Variants in CIT observed in about 807,000 individuals in gnomAD.
The protein encoded by CIT is citron Rho-interacting kinase.
In CIT, 79 loss-of-function variants were observed where a neutral mutation model predicts 272.7. The observed-to-expected ratio is 0.29, with a 90% CI of 0.24 to 0.35. The LOEUF is 0.35. Ranked by LOEUF, CIT falls within the 10% of genes least tolerant of loss-of-function variation. The pLI is 1.00. For missense variants in CIT, 1,909 were observed against 2,618.3 expected (o/e 0.73, Z 5.91); for synonymous variants, 948 against 995.6 (o/e 0.95, Z 0.90).
chr12:119,773,549 T>A (rs1210815781), intron 16 of CIT, among the ~76,000 whole-genome samples: 2 of 152,168 alleles, frequency 1.3e-5, no homozygotes, highest in Non-Finnish European at 2.9e-5. Flanking sequence ...TTCTCCTGCC[T>A]CAGCCTCCCG....
intron 5 of CIT, among the ~76,000 whole-genome samples, chr12:119,845,682 T>C (rs901028991): frequency 7.5e-6 from 1 of 134,160 alleles, no homozygotes; most frequent in Non-Finnish European, 1.6e-5. Flanking sequence ...CCAGGCGTGG[T>C]GGCTCACACC....
At chr12:119,791,795 T>C (rs758868142) in intron 10 of CIT, among the ~76,000 whole-genome samples, 4 of 152,210 alleles carry the variant, frequency 2.6e-5, no homozygotes, top group Non-Finnish European at 4.4e-5. Flanking sequence ...GATATACACA[T>C]CTGCTTTATA....
chr12:119,732,088 G>A (rs1958491063), intron 26 of CIT, among the ~76,000 whole-genome samples: 3 of 151,774 alleles, frequency 2.0e-5, no homozygotes, highest in Admixed American at 1.3e-4. Context: ...CACCCACTTC[G>A]GCCTCCCCAT....
chr12:119,688,110 G>T lies in CIT; in HGVS notation c.*122C>A. 9.2e-7 allele frequency: 1 copy of T among 1,081,514 alleles called. No individual in the cohort carries two copies. Among genetic ancestry groups the T allele is most frequent in the Non-Finnish European group, 1.4e-6 (1 of 702,686 alleles). 67.0% of individuals were successfully genotyped at this position (1,081,514 alleles called of 1,614,324 possible). On this transcript the variant is annotated 3_prime_UTR_variant, in exon 48 of 48. Coordinates refer to ENST00000392521, the MANE Select transcript of CIT (RefSeq NM_001206999.2). ...GGTGTCCGTGCCGAGGTGGGTCTGG[G>T]CCCCGCTGAGCCAGAGGGTGGCTGA... is the stretch of plus-strand genomic sequence containing the variant.
In CIT at chr12:119,720,724, G is replaced by T. The variant is rs3213625; in HGVS notation, c.3733-139C>A. The T allele has an allele frequency of 0.56, 306,258 of 544,254 alleles. 87,375 individuals are homozygous for T. Among genetic ancestry groups the T allele is most frequent in the African/African-American group, 0.67 (34,043 of 50,520 alleles). The allele number at this position is 544,254 out of a possible 1,614,324, so 33.7% of individuals were successfully genotyped here. A position where few individuals can be genotyped will look rare whatever the true frequency, so the allele number is the denominator to read the frequency against. On this transcript the variant is annotated intron_variant, in intron 29 of 47. Transcript: ENST00000392521. ...AACACAAACAGTACTGAGTCAGTAT[G>T]TATTTAGTCCAGTTTTACTGCAAAA...
Position 119,785,054 on chromosome 12 carries a change from G to A in CIT, c.1307C>T (p.Ser436Leu), listed in dbSNP as rs764581842. 127 of 1,614,112 alleles carry A rather than the reference G, an allele frequency of 7.9e-5. 1 individual carries two copies. In the South Asian group the frequency reaches 8.9e-4, roughly 11 times the overall value. Reference protein sequence around the residue: ...GILGRSESVVSGLDSPAKTSS... With the variant: ...GILGRSESVVLGLDSPAKTSS... ...AGTCTTGGCAGGGGAGTCCAGACCCGACACAACAGACCTAGGTAGAGAAAA... is the reference window on the plus strand; with the variant it reads ...AGTCTTGGCAGGGGAGTCCAGACCCAACACAACAGACCTAGGTAGAGAAAA... The change falls in exon 11 of 48, where the codon TCG becomes TTG. Residue 436 changes from serine (S) to leucine (L), a missense_variant. Around this residue, in one of 8 missense-constraint regions of CIT, gnomAD observed 529 missense variants for 549.6 expected, o/e 0.96. Coordinates refer to ENST00000392521, the MANE Select transcript of CIT (RefSeq NM_001206999.2).
chr12:119,800,356 C>A (rs1169417953), intron 10 of CIT, among the ~76,000 whole-genome samples: 1 of 152,210 alleles, frequency 6.6e-6, no homozygotes, highest in Non-Finnish European at 1.5e-5. Context: ...ACTCCCACTA[C>A]GCCTCAGCCA....
In CIT at chr12:119,713,114, G is replaced by T; in HGVS notation, c.4579+89C>A. The T allele has an allele frequency of 1.1e-6, 1 of 917,948 alleles. No homozygotes were observed. The highest frequency in any genetic ancestry group is 1.7e-6 in the Non-Finnish European group (1 of 579,968). 56.9% of individuals were successfully genotyped at this position (917,948 alleles called of 1,614,324 possible). On this transcript the variant is annotated intron_variant, in intron 35 of 47. Coordinates refer to ENST00000392521, the MANE Select transcript of CIT (RefSeq NM_001206999.2). This position sits in a 1 kb window ranked among gnomAD's most constrained non-coding sequence, Gnocchi z 5.2. The stretch of plus-strand genomic sequence containing the variant: ...TGGAAAAGCGTAGAAGGCTTGCAAG[G>T]CAGTCCAAAAAACAAAGCCTTCGCG...
intron 20 of CIT, among the ~76,000 whole-genome samples, chr12:119,760,395 G>T (rs1383835312): frequency 6.6e-6 from 1 of 152,060 alleles, no homozygotes; most frequent in Non-Finnish European, 1.5e-5. Context: ...GAGAGACCAA[G>T]ATGGGAGGAT....
intron 10 of CIT, among the ~76,000 whole-genome samples, chr12:119,798,668 T>G (rs867942519): frequency 6.6e-6 from 1 of 152,206 alleles, no homozygotes; most frequent in African/African-American, 2.4e-5. Context: ...AGTATGCTTA[T>G]AAGCCCAGTT....
intron 22 of CIT, among the ~76,000 whole-genome samples, chr12:119,756,339 A>G (rs1960980635): frequency 6.6e-6 from 1 of 152,206 alleles, no homozygotes; most frequent in Non-Finnish European, 1.5e-5. Context: ...CGCACTCCAC[A>G]GGGTGGGAGT....
At position 119,784,636 on chromosome 12, in the gene CIT, A is replaced by G. The variant is rs1964603282; in HGVS notation, c.1401+324T>C. On this transcript the variant is annotated intron_variant, in intron 11 of 47. Coordinates refer to ENST00000392521, the MANE Select transcript of CIT (RefSeq NM_001206999.2). The surrounding 1 kb of genome is among the most constrained non-coding windows in gnomAD (Gnocchi z 4.7). Reference sequence around the variant, plus strand: ...GGAAGAGAGACTTCGCATCACTCAAAGCAGATGGGATGTATCTCAGCCACA... The same window carrying G: ...GGAAGAGAGACTTCGCATCACTCAAGGCAGATGGGATGTATCTCAGCCACA... 8.1e-7 allele frequency: 1 copy of G among 1,236,700 alleles called. No homozygotes were observed. 76.6% of individuals were successfully genotyped at this position (1,236,700 alleles called of 1,614,324 possible).
At chr12:119,700,667 C>G (rs751640393) in intron 44 of CIT, 78 bp downstream of exon 44, 1 of 1,217,962 alleles carries the variant, frequency 8.2e-7, no homozygotes, top group South Asian at 1.2e-5. Flanking sequence ...AGGCGTGAGC[C>G]ACCGCACCCG....
At position 119,718,784 on chromosome 12, in the gene CIT, G is replaced by A. The variant is rs754359980; in HGVS notation, c.3918C>T (p.Ala1306=). The part of the protein sequence containing the change: ...VPLQYNELKL[A]LEKEKARCAE... ...CACAGCGAGCTTTCTCCTTCTCCAG[G>A]GCCAGCTTCAGCTCATTGTACTGCA... Residue 1306 remains alanine (A), a synonymous_variant, in exon 31 of 48, where the codon GCC becomes GCT. Transcript: ENST00000392521. This position sits in a 1 kb window ranked among gnomAD's most constrained non-coding sequence, Gnocchi z 4.8. 1 of 1,614,104 alleles carries A rather than the reference G, an allele frequency of 6.2e-7. No individual in the cohort carries two copies. Among genetic ancestry groups the A allele is most frequent in the South Asian group, 1.1e-5 (1 of 91,078 alleles).
intron 10 of CIT, 106 bp downstream of exon 10, chr12:119,803,100 T>A: frequency 1.3e-6 from 1 of 792,348 alleles, no homozygotes; most frequent in Non-Finnish European, 1.8e-6. Flanking sequence ...GCAGCTTCCC[T>A]CCACTGCACT....
intron 40 of CIT, among the ~76,000 whole-genome samples, chr12:119,705,425 G>T (rs1956818508): frequency 6.6e-6 from 1 of 152,172 alleles, no homozygotes; most frequent in African/African-American, 2.4e-5. Flanking sequence ...GTGGGAGAAT[G>T]AAGATGGGCC....
At chr12:119,693,926 C>T (rs1232982977) in intron 46 of CIT, among the ~76,000 whole-genome samples, 2 of 152,184 alleles carry the variant, frequency 1.3e-5, no homozygotes, top group Non-Finnish European at 1.5e-5. Flanking sequence ...CAGCCATAGA[C>T]ATTATGTCGG....
At chr12:119,753,289 G>A (rs75514472) in intron 22 of CIT, among the ~76,000 whole-genome samples, 2,862 of 152,246 alleles carry the variant, frequency 0.019, 96 homozygotes, top group African/African-American at 0.066. Flanking sequence ...TCAGAGGGTC[G>A]GAGAAGGCTC....
intron 17 of CIT, among the ~76,000 whole-genome samples, chr12:119,771,379 G>T (rs1430242704): frequency 6.6e-6 from 1 of 152,080 alleles, no homozygotes; most frequent in African/African-American, 2.4e-5. Context: ...ATGGTGTTTT[G>T]CAGGAGGAAG....
Sources: allele counts gnomAD v4.1 joint callset (sites outside exome capture counted in the v4.1 genomes callset), GRCh38; gene constraint gnomAD v4.1.1; regional missense constraint gnomAD v4.1.1; non-coding constraint Gnocchi (gnomAD v3.1); transcripts MANE v1.5; gene names NCBI Gene and HGNC (gene_info 2026-07-23, HGNC 2026-07-21).